The following RABGAP1L variants were observed in gnomAD, a reference collection of about 807,000 sequenced individuals.
The protein encoded by RABGAP1L is rab GTPase-activating protein 1-like.
In RABGAP1L, 63 loss-of-function variants were observed where a neutral mutation model predicts 137.7. The ratio of observed to expected loss-of-function variants is 0.46; its 90% confidence interval spans 0.37 to 0.56. The LOEUF is 0.56. Ranked by LOEUF, RABGAP1L falls within the 20% of genes least tolerant of loss-of-function variation. The pLI is 0.00. For synonymous variants in RABGAP1L, 431 were observed against 433.7 expected (o/e 0.99, Z 0.08); for missense variants, 1,095 against 1,244.0 (o/e 0.88, Z 1.80).
At chr1:174,965,449 C>T (rs10912858) in intron 20 of RABGAP1L, among the ~76,000 whole-genome samples, 6,702 of 152,244 alleles carry the variant, frequency 0.044, 510 homozygotes, top group African/African-American at 0.15. Flanking sequence ...CCAAGACCAT[C>T]AAAACCAAAC....
intron 4 of RABGAP1L, among the ~76,000 whole-genome samples, chr1:174,240,497 C>T: frequency 6.6e-6 from 1 of 152,220 alleles, no homozygotes; most frequent in East Asian, 1.9e-4. Context: ...ATCCACCCAT[C>T]TCGACCTCCT....
intron 19 of RABGAP1L, among the ~76,000 whole-genome samples, chr1:174,878,925 G>GTTTTTTTT (rs869251284): frequency 1.5e-3 from 131 of 85,144 alleles, no homozygotes; most frequent in African/African-American, 2.7e-3. Flanking sequence ...TTTGTGCATT[G>GTTTTTTTT]TTTTTTTTTT....
chr1:174,305,843 G>A (rs941299865), intron 11 of RABGAP1L, among the ~76,000 whole-genome samples: 1 of 151,608 alleles, frequency 6.6e-6, no homozygotes, highest in African/African-American at 2.4e-5. Context: ...GTATACATGT[G>A]CCATGTTGGT....
At chr1:174,622,456 A>T (rs1202598579) in intron 13 of RABGAP1L, among the ~76,000 whole-genome samples, 2 of 152,230 alleles carry the variant, frequency 1.3e-5, no homozygotes, top group Admixed American at 6.5e-5. Flanking sequence ...AACCAACCCA[A>T]ATGTCCAACA....
chr1:174,707,067 A>C (rs1469073639), intron 17 of RABGAP1L, among the ~76,000 whole-genome samples: 1 of 152,198 alleles, frequency 6.6e-6, no homozygotes, highest in African/African-American at 2.4e-5. Context: ...CTGTGAGTAC[A>C]CATCAAGGAG....
intron 18 of RABGAP1L, among the ~76,000 whole-genome samples, chr1:174,809,969 T>A (rs544503573): frequency 6.6e-6 from 1 of 152,344 alleles, no homozygotes; most frequent in East Asian, 1.9e-4. Flanking sequence ...TGCATCTGTA[T>A]GTTTATGAGG....
At chr1:174,343,118 C>G (rs1036821814) in intron 11 of RABGAP1L, among the ~76,000 whole-genome samples, 30 of 152,170 alleles carry the variant, frequency 2.0e-4, no homozygotes, top group African/African-American at 6.8e-4. Flanking sequence ...TGTTTTTCAC[C>G]TCAAACAATG....
At chr1:174,459,510 C>G (rs1170610338) in intron 13 of RABGAP1L, among the ~76,000 whole-genome samples, 1 of 152,070 alleles carries the variant, frequency 6.6e-6, no homozygotes, top group Non-Finnish European at 1.5e-5. Flanking sequence ...CATACAATAA[C>G]CTACACACAC....
chr1:174,596,827 A>G (rs1334283876), intron 13 of RABGAP1L, among the ~76,000 whole-genome samples: 1 of 152,118 alleles, frequency 6.6e-6, no homozygotes. Context: ...GGTTTTACGC[A>G]TATGTAGATG....
At chr1:174,497,109 A>T (rs1660811379) in intron 13 of RABGAP1L, among the ~76,000 whole-genome samples, 1 of 152,242 alleles carries the variant, frequency 6.6e-6, no homozygotes, top group Non-Finnish European at 1.5e-5. Context: ...TCATATGGCA[A>T]CATACACAAG....
chr1:174,244,583 A>G (rs1409669176), intron 5 of RABGAP1L: 2 of 152,342 alleles, frequency 1.3e-5, no homozygotes, highest in East Asian at 1.9e-4. Context: ...TCAATAATCT[A>G]TGGCAAAAGA....
chr1:174,558,418 G>A (rs1446512129), intron 13 of RABGAP1L, among the ~76,000 whole-genome samples: 1 of 152,134 alleles, frequency 6.6e-6, no homozygotes, highest in East Asian at 1.9e-4. Context: ...GCTTTACCCA[G>A]TTTAATCTTG....
intron 13 of RABGAP1L, among the ~76,000 whole-genome samples, chr1:174,493,278 T>C (rs1380400687): frequency 6.7e-6 from 1 of 150,330 alleles, no homozygotes; most frequent in African/African-American, 2.5e-5. Context: ...GGGGAGGTGC[T>C]TGAGCTTAGG....
intron 17 of RABGAP1L, among the ~76,000 whole-genome samples, chr1:174,746,215 C>T (rs936042928): frequency 6.6e-6 from 1 of 152,158 alleles, no homozygotes; most frequent in Admixed American, 6.5e-5. Context: ...CTTGGCCTAC[C>T]CAAGAACATC....
intron 1 of RABGAP1L, among the ~76,000 whole-genome samples, chr1:174,196,165 C>T (rs1278709115): frequency 6.6e-6 from 1 of 150,970 alleles, no homozygotes; most frequent in Non-Finnish European, 1.5e-5. Context: ...ATTTAGATTG[C>T]CTCTTTTGGA....
chr1:174,978,937 T>C, intron 23 of RABGAP1L, 47 bp downstream of exon 23: 1 of 1,447,736 alleles, frequency 6.9e-7, no homozygotes, highest in Non-Finnish European at 9.1e-7. Context: ...TTTGCTGCTA[T>C]AAAAGTAATT....
At chr1:174,458,238 C>G (rs1215070307) in intron 13 of RABGAP1L, among the ~76,000 whole-genome samples, 1 of 151,754 alleles carries the variant, frequency 6.6e-6, no homozygotes, top group East Asian at 1.9e-4. Flanking sequence ...TGCTTTTGTG[C>G]TACAATGGTA....
At chr1:174,493,334 C>T (rs940070463) in intron 13 of RABGAP1L, among the ~76,000 whole-genome samples, 4 of 151,278 alleles carry the variant, frequency 2.6e-5, no homozygotes, top group African/African-American at 9.7e-5. Context: ...GTACTTCAGC[C>T]TGGGCAACAG....
chr1:174,653,012 A>G (rs1289486418), intron 14 of RABGAP1L, among the ~76,000 whole-genome samples: 1 of 152,148 alleles, frequency 6.6e-6, no homozygotes, highest in Admixed American at 6.5e-5. Flanking sequence ...GGAGGAATCT[A>G]GAGAGGCTGT....
Sources: gnomAD v4.1 joint callset for allele counts (sites outside exome capture counted in the v4.1 genomes callset) on GRCh38, gnomAD v4.1.1 for gene constraint, MANE v1.5 for transcripts, NCBI Gene and HGNC (gene_info 2026-07-23, HGNC 2026-07-21) for gene names.